RAB27A: variants seen among roughly 807,000 people sequenced by gnomAD.
The protein encoded by RAB27A is RAB27A, member RAS oncogene family, also known as ras-related protein Rab-27A.
In RAB27A, 17 loss-of-function variants were observed where a neutral mutation model predicts 20.8. That is an observed-to-expected ratio of 0.82 (90% confidence interval 0.56 to 1.23). The LOEUF is 1.23. Ranked by LOEUF, RAB27A falls within the 50% of genes most tolerant of loss-of-function variation. The probability of loss-of-function intolerance (pLI) is 0.00; values close to 1 mark genes in which losing one functional copy is unlikely to be tolerated. For synonymous variants in RAB27A, 85 were observed against 92.8 expected (o/e 0.92, Z 0.48); for missense variants, 277 against 266.7 (o/e 1.04, Z -0.27).
chr15:55,207,648 G>A (rs916152142), intron 6 of RAB27A, among the ~76,000 whole-genome samples: 9 of 152,128 alleles, frequency 5.9e-5, no homozygotes, highest in African/African-American at 1.9e-4. Context: ...TGTGGCTAAT[G>A]CAACCAAAAA....
In RAB27A at chr15:55,217,663, C is replaced by CAAAAAAAA. The variant is rs199813098; in HGVS notation, c.467+6218_467+6225dup. ...TGGGTGACAGAGCTACACTCCATCT[C>CAAAAAAAA]AAAAAAAAAAAAAAAAAAAAAAAAA... On this transcript the variant is annotated intron_variant, in intron 6 of 6. Coordinates refer to ENST00000336787, the MANE Select transcript of RAB27A (RefSeq NM_183235.3). 2.2e-3 allele frequency among the ~76,000 whole-genome samples: 95 copies of CAAAAAAAA among 43,536 alleles called. 2 individuals carry two copies. Among genetic ancestry groups the CAAAAAAAA allele is most frequent in the African/African-American group, 3.0e-3 (34 of 11,412 alleles). 28.6% of individuals were successfully genotyped at this position (43,536 alleles called of 152,430 possible).
upstream of RAB27A, among the ~76,000 whole-genome samples, chr15:55,291,161 T>G (rs1898294944): frequency 6.6e-6 from 1 of 152,164 alleles, no homozygotes; most frequent in African/African-American, 2.4e-5. Context: ...AACAGGTTGA[T>G]AACTTCAAGA....
intron 2 of RAB27A, among the ~76,000 whole-genome samples, chr15:55,247,937 C>CTTT (rs765207631): frequency 2.2e-5 from 3 of 135,438 alleles, no homozygotes. Flanking sequence ...TCACTAACCA[C>CTTT]TTTTTTTTTT....
chr15:55,249,900 C>T (rs558325033), intron 2 of RAB27A, among the ~76,000 whole-genome samples: 6 of 152,154 alleles, frequency 3.9e-5, no homozygotes, highest in South Asian at 2.1e-4. Flanking sequence ...TTCTATGAAA[C>T]GCTGGGATTC....
At chr15:55,257,396 A>G (rs536425410) in intron 2 of RAB27A, among the ~76,000 whole-genome samples, 1 of 152,322 alleles carries the variant, frequency 6.6e-6, no homozygotes, top group Non-Finnish European at 1.5e-5. Context: ...CAGAAGAGGG[A>G]ACATGCTGTT....
chr15:55,292,502 T>C (rs992290814), upstream of RAB27A, among the ~76,000 whole-genome samples: 1 of 152,168 alleles, frequency 6.6e-6, no homozygotes. Flanking sequence ...TGGAGATGAA[T>C]GGACATATTT....
intron 5 of RAB27A, among the ~76,000 whole-genome samples, chr15:55,226,967 G>A (rs762092910): frequency 6.6e-6 from 1 of 151,750 alleles, no homozygotes; most frequent in Admixed American, 6.6e-5. Context: ...ATTAACAAAT[G>A]TTTATTCCTA....
intron 6 of RAB27A, among the ~76,000 whole-genome samples, chr15:55,210,352 T>C (rs1388597387): frequency 6.6e-6 from 1 of 151,086 alleles, no homozygotes; most frequent in African/African-American, 2.4e-5. Context: ...ACCAACAATG[T>C]ACGGGTTCAC....
intron 4 of RAB27A, 123 bp downstream of exon 4, chr15:55,230,278 T>G: frequency 1.1e-6 from 1 of 877,160 alleles, no homozygotes; most frequent in Non-Finnish European, 1.9e-6. Flanking sequence ...TCCTGCTAAT[T>G]TGGCAGCATT....
At chr15:55,302,518 T>A in intron 2 of RAB27A, among the ~76,000 whole-genome samples, 1 of 150,116 alleles carries the variant, frequency 6.7e-6, no homozygotes, top group African/African-American at 2.5e-5. Flanking sequence ...GTGAGGAGCG[T>A]CTCTGCCTGG....
chr15:55,254,454 C>T (rs1897009366), intron 2 of RAB27A, among the ~76,000 whole-genome samples: 1 of 151,904 alleles, frequency 6.6e-6, no homozygotes, highest in African/African-American at 2.4e-5. Context: ...TTAGAATCTA[C>T]AGCATACAAC....
chr15:55,231,577 C>T (rs962480921), intron 3 of RAB27A, among the ~76,000 whole-genome samples: 1 of 152,030 alleles, frequency 6.6e-6, no homozygotes. Context: ...TGCCCTATTC[C>T]CATCCCCCTC....
intron 3 of RAB27A, 89 bp downstream of exon 3, chr15:55,234,693 G>T (rs916837496): frequency 7.2e-7 from 1 of 1,385,794 alleles, no homozygotes; most frequent in Non-Finnish European, 1.0e-6. Context: ...CCCAACCTTT[G>T]TCCTCCTAAT....
chr15:55,235,650 G>C (rs1253371505), intron 2 of RAB27A, among the ~76,000 whole-genome samples: 3 of 152,010 alleles, frequency 2.0e-5, no homozygotes, highest in Non-Finnish European at 4.4e-5. Context: ...GTAATCATTA[G>C]AGTGCAAGTG....
rs921263909 is a variant in RAB27A, at chr15:55,254,797, G to C, written c.-23+15368C>G. The stretch of plus-strand genomic sequence containing the variant: ...TCAGGCACAAAATATTTATGAACTC[G>C]GGAGCAGCCCAAACATAAAGATAAA... On this transcript the variant is annotated intron_variant, in intron 2 of 6. Transcript: ENST00000336787. Among the ~76,000 whole-genome samples the C allele has an allele frequency of 2.0e-5, 3 of 152,260 alleles. No individual in the cohort carries two copies. In the South Asian group the frequency reaches 6.2e-4, roughly 32 times the overall value.
rs552661025 is a variant in RAB27A, at chr15:55,249,621, A to T, written c.-22-14665T>A. On this transcript the variant is annotated intron_variant, in intron 2 of 6. Coordinates refer to ENST00000336787, the MANE Select transcript of RAB27A (RefSeq NM_183235.3). ...AAATGTTCCACGATTATGTGAAAAC[A>T]ATCTGTACACCCTGTTAGTTGGATG... 2.1e-4 allele frequency among the ~76,000 whole-genome samples: 32 copies of T among 152,302 alleles called. No homozygotes were observed. In the South Asian group the frequency reaches 2.5e-3, roughly 12 times the overall value.
At chr15:55,272,825 G>T (rs1897748220) in intron 1 of RAB27A, among the ~76,000 whole-genome samples, 1 of 152,190 alleles carries the variant, frequency 6.6e-6, no homozygotes, top group Non-Finnish European at 1.5e-5. Flanking sequence ...ACCTCGGAAA[G>T]CTGACTCTTT....
At chr15:55,296,358 T>G (rs568189802) in intron 2 of RAB27A, among the ~76,000 whole-genome samples, 1 of 151,764 alleles carries the variant, frequency 6.6e-6, no homozygotes, top group Non-Finnish European at 1.5e-5. Context: ...TAGCTGGGCG[T>G]GGTGGCACAT....
At chr15:55,259,973 T>C (rs910515724) in intron 2 of RAB27A, 6 of 152,176 alleles carry the variant, frequency 3.9e-5, no homozygotes, top group African/African-American at 1.4e-4. Flanking sequence ...TCAAAAACCA[T>C]ATGGGGATTC....
Sources: allele counts gnomAD v4.1 joint callset (sites outside exome capture counted in the v4.1 genomes callset), GRCh38; gene constraint gnomAD v4.1.1; transcripts MANE v1.5; gene names NCBI Gene and HGNC (gene_info 2026-07-23, HGNC 2026-07-21).